ETS1: variants seen among roughly 807,000 people sequenced by gnomAD.
ETS1 encodes the protein protein C-ets-1.
Under a neutral mutation model 58.6 loss-of-function variants are expected in ETS1, and 15 were observed. That is an observed-to-expected ratio of 0.26 (90% CI 0.17 to 0.39). The LOEUF (loss-of-function observed/expected upper bound fraction) is 0.39. Ranked by LOEUF, ETS1 falls within the 10% of genes least tolerant of loss-of-function variation. The pLI is 1.00. For missense variants in ETS1, 417 were observed against 610.5 expected (o/e 0.68, Z 3.34); for synonymous variants, 214 against 218.2 (o/e 0.98, Z 0.17).
intron 2 of ETS1, among the ~76,000 whole-genome samples, chr11:128,567,770 T>TTA (rs1393669974): frequency 6.6e-6 from 1 of 152,110 alleles, no homozygotes; most frequent in Non-Finnish European, 1.5e-5. Context: ...ATAGCTGGAA[T>TTA]TACAGGCGTC....
At chr11:128,482,754 A>C (rs1862522237) in intron 7 of ETS1, among the ~76,000 whole-genome samples, 2 of 152,176 alleles carry the variant, frequency 1.3e-5, no homozygotes, top group South Asian at 4.1e-4. Flanking sequence ...CATGTAGGGA[A>C]ACCTGTGTTC....
chr11:128,549,674 T>C lies in ETS1; in HGVS notation c.214+6617A>G, dbSNP rs1250676558. On this transcript the variant is annotated intron_variant, in intron 3 of 9. Transcript: ENST00000392668. The surrounding 1 kb of genome is among the most constrained non-coding windows in gnomAD (Gnocchi z 4.3). ...AACCCAGCCCAGAGGCTTCGGTTTGTCTGTCTTGGTTTCCTTCCTTCCCGG... is the reference window on the plus strand; with the variant it reads ...AACCCAGCCCAGAGGCTTCGGTTTGCCTGTCTTGGTTTCCTTCCTTCCCGG... Among the ~76,000 whole-genome samples the C allele has an allele frequency of 6.6e-6, 1 of 152,168 alleles. No individual in the cohort carries two copies. Among genetic ancestry groups the C allele is most frequent in the Non-Finnish European group, 1.5e-5 (1 of 68,032 alleles).
intron 3 of ETS1, among the ~76,000 whole-genome samples, chr11:128,500,865 C>T (rs536907539): frequency 1.2e-4 from 19 of 152,260 alleles, no homozygotes; most frequent in African/African-American, 1.4e-4. Context: ...ACCTGAAGAA[C>T]GACCACCATA....
chr11:128,476,182 T>C (rs545183383), intron 8 of ETS1, among the ~76,000 whole-genome samples: 22 of 152,312 alleles, frequency 1.4e-4, no homozygotes, highest in African/African-American at 4.8e-4. Context: ...GCAGAAGTGA[T>C]AGGACTCCTT....
intron 7 of ETS1, among the ~76,000 whole-genome samples, chr11:128,482,130 T>A (rs1340432520): frequency 6.6e-6 from 1 of 152,182 alleles, no homozygotes; most frequent in African/African-American, 2.4e-5. Context: ...AAAAATTCTT[T>A]CCCATTTACC....
intron 1 of ETS1, 92 bp from the exon 2 acceptor site, chr11:128,573,236 G>A (rs1864675036): frequency 7.8e-6 from 7 of 895,742 alleles, no homozygotes; most frequent in Non-Finnish European, 1.2e-5. Flanking sequence ...AGAACTAAAA[G>A]TCTCCTTAGG....
chr11:128,526,852 T>G, intron 3 of ETS1: 1 of 452,538 alleles, frequency 2.2e-6, no homozygotes, highest in Non-Finnish European at 4.4e-6. Context: ...AATGGGAGTT[T>G]ATCAGTGCTC....
chr11:128,517,744 G>A (rs1863563106), intron 3 of ETS1, among the ~76,000 whole-genome samples: 1 of 152,172 alleles, frequency 6.6e-6, no homozygotes, highest in Non-Finnish European at 1.5e-5. Context: ...CCAGCTCTCA[G>A]TTTGCAGAGA....
intron 8 of ETS1, among the ~76,000 whole-genome samples, chr11:128,472,505 C>T (rs780974998): frequency 1.3e-5 from 2 of 152,212 alleles, no homozygotes; most frequent in Non-Finnish European, 2.9e-5. Flanking sequence ...GTGCTGGTCT[C>T]AACAAGCCAT....
intron 3 of ETS1, among the ~76,000 whole-genome samples, chr11:128,551,088 A>C (rs1334812582): frequency 6.6e-6 from 1 of 151,672 alleles, no homozygotes; most frequent in African/African-American, 2.4e-5. Flanking sequence ...AACCTGACAC[A>C]CACCCTTTAG....
At chr11:128,581,132 G>A (rs2135594458) in intron 1 of ETS1, among the ~76,000 whole-genome samples, 1 of 152,214 alleles carries the variant, frequency 6.6e-6, no homozygotes, top group South Asian at 2.1e-4. Context: ...CCTTCTCAGT[G>A]GAAACAAATC....
intron 8 of ETS1, among the ~76,000 whole-genome samples, chr11:128,468,628 T>C (rs1481395057): frequency 6.6e-6 from 1 of 151,894 alleles, no homozygotes; most frequent in Non-Finnish European, 1.5e-5. Context: ...AACACAGGAG[T>C]TTTCTTCCAA....
intron 3 of ETS1, among the ~76,000 whole-genome samples, chr11:128,514,519 T>TG (rs1863473255): frequency 6.6e-6 from 1 of 152,218 alleles, no homozygotes; most frequent in African/African-American, 2.4e-5. Flanking sequence ...CTCCTTCAAA[T>TG]GCTTCAGAAG....
chr11:128,556,169 G>A (rs1443348264), intron 3 of ETS1, 122 bp downstream of exon 3: 10 of 840,568 alleles, frequency 1.2e-5, no homozygotes, highest in African/African-American at 1.7e-5. Context: ...TTCCATTCAA[G>A]AACAATAGCA....
At chr11:128,473,600 G>T (rs892080633) in intron 8 of ETS1, among the ~76,000 whole-genome samples, 1 of 152,098 alleles carries the variant, frequency 6.6e-6, no homozygotes, top group African/African-American at 2.4e-5. Flanking sequence ...TGCATGGGAT[G>T]ACCACTCTTT....
At chr11:128,513,471 T>G (rs898824580) in intron 3 of ETS1, among the ~76,000 whole-genome samples, 2 of 152,232 alleles carry the variant, frequency 1.3e-5, no homozygotes, top group African/African-American at 4.8e-5. Context: ...CACATTCTCC[T>G]CACAGAGTGG....
At chr11:128,545,022 TG>T (rs397810711) in intron 3 of ETS1, among the ~76,000 whole-genome samples, 2,488 of 103,688 alleles carry the variant, frequency 0.024, 37 homozygotes, top group Non-Finnish European at 0.032. Context: ...TGGTTGGGGG[TG>T]GGGGGGGCAG....
At chr11:128,509,550 ATTTTT>A (rs59753000) in intron 3 of ETS1, among the ~76,000 whole-genome samples, 3 of 95,106 alleles carry the variant, frequency 3.2e-5, no homozygotes, top group Non-Finnish European at 6.2e-5. Context: ...TCAGGTGAAA[ATTTTT>A]TTTTTTTTTT....
intron 5 of ETS1, among the ~76,000 whole-genome samples, chr11:128,489,083 C>A (rs1327386451): frequency 6.6e-6 from 1 of 152,088 alleles, no homozygotes; most frequent in East Asian, 1.9e-4. Context: ...AATATCTGAA[C>A]CCCCAATATG....
Sources: allele counts gnomAD v4.1 joint callset (sites outside exome capture counted in the v4.1 genomes callset), GRCh38; gene constraint gnomAD v4.1.1; non-coding constraint Gnocchi (gnomAD v3.1); transcripts MANE v1.5; gene names NCBI Gene and HGNC (gene_info 2026-07-23, HGNC 2026-07-21).